MACROD2: variants seen among roughly 807,000 people sequenced by gnomAD.
The protein encoded by MACROD2 is ADP-ribose glycohydrolase MACROD2.
In MACROD2, 36 loss-of-function variants were observed where a neutral mutation model predicts 70.4. That is an observed-to-expected ratio of 0.51 (90% CI 0.39 to 0.68). MACROD2 has a LOEUF of 0.68. MACROD2 is among the 30% of genes least tolerant of loss of function. MACROD2 has a pLI of 0.00. For missense variants in MACROD2, 496 were observed against 538.4 expected, an observed-to-expected ratio of 0.92 and a Z score of 0.78; for synonymous variants, 172 against 178.8, an observed-to-expected ratio of 0.96 and a Z score of 0.30.
chr20:15,659,633 A>G (rs1403742049), intron 8 of MACROD2, among the ~76,000 whole-genome samples: 1 of 151,766 alleles, frequency 6.6e-6, no homozygotes, highest in African/African-American at 2.4e-5. Flanking sequence ...ACACTACTCA[A>G]ATCTTGTGGG....
chr20:14,170,372 C>T (rs1201629453), intron 3 of MACROD2, among the ~76,000 whole-genome samples: 1 of 152,230 alleles, frequency 6.6e-6, no homozygotes, highest in East Asian at 1.9e-4. Flanking sequence ...CTAGGACTTC[C>T]AGTACTATGT....
intron 3 of MACROD2, among the ~76,000 whole-genome samples, chr20:14,460,350 A>G (rs1205586099): frequency 1.3e-5 from 2 of 152,106 alleles, no homozygotes; most frequent in Non-Finnish European, 2.9e-5. Flanking sequence ...CAACAGTGTA[A>G]AAACCTTCCT....
chr20:15,005,380 A>G (rs1482899504), intron 5 of MACROD2, among the ~76,000 whole-genome samples: 1 of 152,226 alleles, frequency 6.6e-6, no homozygotes, highest in Non-Finnish European at 1.5e-5. Context: ...TGTCCTCTGT[A>G]CAGACTTGTT....
intron 4 of MACROD2, among the ~76,000 whole-genome samples, chr20:14,495,122 C>G (rs146683010): frequency 1.1e-3 from 167 of 152,086 alleles, no homozygotes; most frequent in African/African-American, 3.9e-3. Context: ...GCCACTATAA[C>G]AGAAAAAGTA....
At chr20:14,383,717 ACTT>A (rs2083445342) in intron 3 of MACROD2, among the ~76,000 whole-genome samples, 1 of 152,156 alleles carries the variant, frequency 6.6e-6, no homozygotes, top group Non-Finnish European at 1.5e-5. Context: ...AATTGTGTTG[ACTT>A]TGTCTTTTCT....
chr20:15,116,391 C>A (rs929998179), intron 5 of MACROD2, among the ~76,000 whole-genome samples: 2 of 152,116 alleles, frequency 1.3e-5, no homozygotes, highest in Non-Finnish European at 2.9e-5. Flanking sequence ...GCCTGTAATC[C>A]CAGCACTTTA....
At chr20:15,242,213 A>T (rs994736975) in intron 6 of MACROD2, among the ~76,000 whole-genome samples, 7 of 152,168 alleles carry the variant, frequency 4.6e-5, no homozygotes, top group African/African-American at 1.7e-4. Flanking sequence ...CTATAGGCGG[A>T]CCTCCAAAGA....
At chr20:15,764,884 A>G (rs1346511095) in intron 8 of MACROD2, among the ~76,000 whole-genome samples, 1 of 152,110 alleles carries the variant, frequency 6.6e-6, no homozygotes, top group East Asian at 1.9e-4. Context: ...AGTCCCTGCT[A>G]ATCTCTTGGT....
intron 5 of MACROD2, among the ~76,000 whole-genome samples, chr20:15,088,398 TATATATATATA>T (rs1488806035): frequency 2.9e-4 from 2 of 6,792 alleles, no homozygotes; most frequent in East Asian, 3.2e-3. Context: ...TACTATATTT[TATATATATATA>T]TATATATATA....
At chr20:15,964,993 C>T (rs891112573) in intron 12 of MACROD2, among the ~76,000 whole-genome samples, 34 of 152,162 alleles carry the variant, frequency 2.2e-4, no homozygotes, top group African/African-American at 8.2e-4. Context: ...CTTGTCATCA[C>T]ATAAAGACAT....
At chr20:14,324,313 A>T (rs79671900) in intron 3 of MACROD2, 2 of 152,474 alleles carry the variant, frequency 1.3e-5, no homozygotes. Flanking sequence ...TCATGGCAAC[A>T]GAAAAGTGAT....
chr20:14,537,675 T>G (rs1450634992), intron 4 of MACROD2, among the ~76,000 whole-genome samples: 1 of 152,144 alleles, frequency 6.6e-6, no homozygotes, highest in East Asian at 1.9e-4. Context: ...GAAAAGGAGC[T>G]TCAGGGCTCT....
chr20:14,245,160 C>T (rs1458601740), intron 3 of MACROD2, among the ~76,000 whole-genome samples: 5 of 151,956 alleles, frequency 3.3e-5, no homozygotes, highest in East Asian at 1.9e-4. Flanking sequence ...GTCAGGAGAT[C>T]GAGACCATCC....
At chr20:14,337,687 G>T (rs897035619) in intron 3 of MACROD2, 1 of 396,390 alleles carries the variant, frequency 2.5e-6, no homozygotes, top group Non-Finnish European at 4.4e-6. Context: ...TCATAGATGG[G>T]CAGGACTTAG....
chr20:14,821,781 A>T (rs963152132), intron 5 of MACROD2, among the ~76,000 whole-genome samples: 1 of 152,022 alleles, frequency 6.6e-6, no homozygotes, highest in Non-Finnish European at 1.5e-5. Flanking sequence ...GGGAGCTACT[A>T]TGTAGGTGAA....
intron 8 of MACROD2, among the ~76,000 whole-genome samples, chr20:15,504,713 A>G (rs2047404301): frequency 2.6e-5 from 4 of 152,214 alleles, no homozygotes; most frequent in Admixed American, 2.6e-4. Flanking sequence ...AAAAGAAAAG[A>G]ATATCAGAGT....
chr20:15,511,661 T>C (rs923140378), intron 8 of MACROD2, among the ~76,000 whole-genome samples: 2 of 152,220 alleles, frequency 1.3e-5, no homozygotes, highest in Admixed American at 1.3e-4. Flanking sequence ...TTTTGCAACA[T>C]AAATGTTGCC....
chr20:14,159,645 G>C (rs2055155051), intron 3 of MACROD2, among the ~76,000 whole-genome samples: 1 of 152,018 alleles, frequency 6.6e-6, no homozygotes, highest in Non-Finnish European at 1.5e-5. Context: ...AGTTTTTCTA[G>C]ATATAAGATT....
chr20:15,613,484 T>G (rs2048998116), intron 8 of MACROD2, among the ~76,000 whole-genome samples: 1 of 152,218 alleles, frequency 6.6e-6, no homozygotes, highest in Non-Finnish European at 1.5e-5. Context: ...CCCTATGAAC[T>G]CTAAAATCAT....
Sources: allele counts gnomAD v4.1 joint callset (sites outside exome capture counted in the v4.1 genomes callset), GRCh38; gene constraint gnomAD v4.1.1; transcripts MANE v1.5; gene names NCBI Gene and HGNC (gene_info 2026-07-23, HGNC 2026-07-21).